The following SMAGP variants were observed in gnomAD, a reference collection of about 807,000 sequenced individuals.
The protein encoded by SMAGP is small cell adhesion glycoprotein.
SMAGP carries 7 observed loss-of-function variants against 10.1 expected under a neutral mutation model. The observed-to-expected ratio is 0.70, with a 90% confidence interval of 0.40 to 1.31. The LOEUF (loss-of-function observed/expected upper bound fraction) is 1.31, where lower values mean the gene tolerates loss of function less well. Ranked by LOEUF, SMAGP falls within the 50% of genes most tolerant of loss-of-function variation. The pLI, the probability that SMAGP is intolerant of heterozygous loss-of-function variation, is 0.01. For synonymous variants in SMAGP, 49 were observed against 47.2 expected (o/e 1.04, Z -0.16); for missense variants, 113 against 116.5 (o/e 0.97, Z 0.14).
intron 2 of SMAGP, chr12:51,251,337 T>G (rs1024150014): frequency 2.6e-5 from 4 of 151,280 alleles, no homozygotes; most frequent in African/African-American, 9.7e-5. Flanking sequence ...TTCCAGCACC[T>G]TGGGAGGCCA....
chr12:51,248,964 C>T (rs1444586184), intron 2 of SMAGP, among the ~76,000 whole-genome samples: 1 of 148,368 alleles, frequency 6.7e-6, no homozygotes, highest in Non-Finnish European at 1.5e-5. Flanking sequence ...CCTGTAATCC[C>T]AGCTACTTGG....
At chr12:51,263,239 TG>T (rs1180639635) in intron 2 of SMAGP, among the ~76,000 whole-genome samples, 2 of 151,842 alleles carry the variant, frequency 1.3e-5, no homozygotes, top group African/African-American at 4.8e-5. Flanking sequence ...AAAAATTAGC[TG>T]GGCATAGTGG....
intron 2 of SMAGP, among the ~76,000 whole-genome samples, chr12:51,252,683 GC>G (rs1353120777): frequency 1.3e-5 from 2 of 149,752 alleles, no homozygotes; most frequent in African/African-American, 5.0e-5. Context: ...GAGCCACATC[GC>G]CCCCCGAAGG....
chr12:51,256,460 G>A (rs1183196604), intron 2 of SMAGP, among the ~76,000 whole-genome samples: 1 of 152,148 alleles, frequency 6.6e-6, no homozygotes, highest in African/African-American at 2.4e-5. Flanking sequence ...GGTGGCTCAC[G>A]CCAGTAATCC....
At chr12:51,254,615 T>G (rs1356773844) in intron 2 of SMAGP, among the ~76,000 whole-genome samples, 2 of 152,016 alleles carry the variant, frequency 1.3e-5, no homozygotes, top group Non-Finnish European at 2.9e-5. Flanking sequence ...ATTAGCGCTA[T>G]GTAGAAAAAT....
chr12:51,245,794 G>T lies in SMAGP; in HGVS notation c.*147C>A, dbSNP rs951128486. ...CCTGGTCCCTGGAGTCAGTGATGTC[G>T]GCATTTGGGACTGCGACCTGGCTGG... On this transcript the variant is annotated 3_prime_UTR_variant, in exon 4 of 4. Coordinates refer to ENST00000603798, the MANE Select transcript of SMAGP (RefSeq NM_001031628.2). The T allele has an allele frequency of 1.2e-6, 1 of 822,818 alleles. No homozygotes were observed. The highest frequency in any genetic ancestry group is 1.7e-5 in the African/African-American group (1 of 57,908). 51.0% of individuals were successfully genotyped at this position (822,818 alleles called of 1,614,324 possible). A position where few individuals can be genotyped will look rare whatever the true frequency, so the allele number is the denominator to read the frequency against.
At chr12:51,269,413 C>T (rs1945006248) in intron 1 of SMAGP, 97 bp from the exon 2 acceptor site, 1 of 906,670 alleles carries the variant, frequency 1.1e-6, no homozygotes, top group Non-Finnish European at 1.8e-6. Context: ...CAGGTTCTCC[C>T]AAGTCCCTTC....
chr12:51,255,743 T>C (rs1275622503), intron 2 of SMAGP, among the ~76,000 whole-genome samples: 1 of 152,196 alleles, frequency 6.6e-6, no homozygotes, highest in Non-Finnish European at 1.5e-5. Context: ...AAGTGCACAG[T>C]TGCATCTGCC....
At chr12:51,247,955 T>C (rs1314011906) in intron 2 of SMAGP, among the ~76,000 whole-genome samples, 1 of 152,156 alleles carries the variant, frequency 6.6e-6, no homozygotes, top group Non-Finnish European at 1.5e-5. Flanking sequence ...GGGAGGAATA[T>C]CTGACCTGGG....
intron 2 of SMAGP, among the ~76,000 whole-genome samples, chr12:51,266,885 A>G (rs1944978962): frequency 6.6e-6 from 1 of 152,194 alleles, no homozygotes; most frequent in East Asian, 1.9e-4. Flanking sequence ...GGAGGCCGAG[A>G]AGGGCAGATC....
rs200619808 is a variant in SMAGP at position 51,246,082 on chromosome 12, G to A, written c.153C>T (p.Val51=). The change falls in exon 4 of 4, where the codon GTC becomes GTT. Residue 51 remains valine (V), a synonymous_variant. Coordinates refer to ENST00000603798, the MANE Select transcript of SMAGP (RefSeq NM_001031628.2). The part of the protein sequence containing the change: ...ITVVFLTLLS[V]VILIFFYLYK... The stretch of plus-strand genomic sequence containing the variant: ...ACAGGTAAAAGAAGATCAAGATCAC[G>A]ACCGAGAGCAGGGTGAGGAAGACAA... 3.0e-5 allele frequency: 49 copies of A among 1,613,938 alleles called. No individual in the cohort carries two copies. In the African/African-American group the frequency reaches 3.7e-4, roughly 12 times the overall value.
chr12:51,248,434 A>ACACTCTCTCT (rs1188710796), intron 2 of SMAGP, among the ~76,000 whole-genome samples: 1 of 77,468 alleles, frequency 1.3e-5, no homozygotes, highest in African/African-American at 5.1e-5. Context: ...ACACACACAC[A>ACACTCTCTCT]CTCTCTCTCT....
At chr12:51,269,838 C>G (rs1945011458) in intron 1 of SMAGP, 1 of 152,334 alleles carries the variant, frequency 6.6e-6, no homozygotes, top group Non-Finnish European at 1.5e-5. Flanking sequence ...TCGCCTCGGA[C>G]GCTGGGACGC....
intron 2 of SMAGP, among the ~76,000 whole-genome samples, chr12:51,250,326 G>A (rs1413371846): frequency 6.6e-6 from 1 of 151,920 alleles, no homozygotes; most frequent in African/African-American, 2.4e-5. Context: ...AGCCTGCAAT[G>A]AGCCAGCACT....
chr12:51,260,679 ATTTTTTTTT>A (rs1162152346), intron 2 of SMAGP, among the ~76,000 whole-genome samples: 3 of 78,394 alleles, frequency 3.8e-5, no homozygotes, highest in South Asian at 4.0e-4. Context: ...CGCCCGGCCA[ATTTTTTTTT>A]TTTTTTTTTT....
At chr12:51,268,879 C>G (rs544685802) in intron 2 of SMAGP, among the ~76,000 whole-genome samples, 2 of 152,130 alleles carry the variant, frequency 1.3e-5, no homozygotes, top group Non-Finnish European at 2.9e-5. Flanking sequence ...AGCCACCACG[C>G]CCGGCCTCTT....
chr12:51,266,913 T>G (rs548391313), intron 2 of SMAGP, among the ~76,000 whole-genome samples: 1 of 152,266 alleles, frequency 6.6e-6, no homozygotes, highest in African/African-American at 2.4e-5. Context: ...GCCAGGAGTT[T>G]GAGACCAGCC....
chr12:51,245,717 G>T lies in SMAGP; in HGVS notation c.*224C>A. 2.0e-6 allele frequency: 1 copy of T among 507,686 alleles called. No individual in the cohort carries two copies. The highest frequency in any genetic ancestry group is 3.2e-5 in the Admixed American group (1 of 31,240). The allele number at this position is 507,686 out of a possible 1,614,324, so 31.4% of individuals were successfully genotyped here. A position where few individuals can be genotyped will look rare whatever the true frequency, so the allele number is the denominator to read the frequency against. ...TCTTGTTGGCCAGTCACAAACACCA[G>T]CTCTAGTAAGAGGGCCTGGTTAAAG... On this transcript the variant is annotated 3_prime_UTR_variant, in exon 4 of 4. Transcript: ENST00000603798.
At chr12:51,248,153 G>A (rs1335052867) in intron 2 of SMAGP, among the ~76,000 whole-genome samples, 1 of 152,130 alleles carries the variant, frequency 6.6e-6, no homozygotes, top group African/African-American at 2.4e-5. Flanking sequence ...GTGAAATGAG[G>A]GTATCAGTGG....
Sources: allele counts gnomAD v4.1 joint callset (sites outside exome capture counted in the v4.1 genomes callset), GRCh38; gene constraint gnomAD v4.1.1; transcripts MANE v1.5; gene names NCBI Gene and HGNC (gene_info 2026-07-23, HGNC 2026-07-21).